TRDN: variants seen among roughly 807,000 people sequenced by gnomAD.
TRDN encodes the protein triadin in skeletal muscle.
Under a neutral mutation model 149.7 loss-of-function variants are expected in TRDN, and 161 were observed. The ratio of observed to expected loss-of-function variants is 1.08; its 90% CI spans 0.95 to 1.23. TRDN has a LOEUF of 1.23. Among genes scored for constraint, TRDN ranks in the 50% most tolerant of loss-of-function variants. The pLI is 0.00. For synonymous variants in TRDN, 294 were observed against 250.5 expected (o/e 1.17, Z -1.64); for missense variants, 896 against 823.5 (o/e 1.09, Z -1.08).
chr6:123,352,457 G>A (rs1226774918), intron 21 of TRDN, 82 bp downstream of exon 21: 31 of 1,571,722 alleles, frequency 2.0e-5, no homozygotes, highest in Middle Eastern at 1.7e-4. Context: ...ATTGTCTTCC[G>A]CCTGTCTGAA....
At chr6:123,627,567 C>A (rs1286410646) in intron 1 of TRDN, among the ~76,000 whole-genome samples, 1 of 152,116 alleles carries the variant, frequency 6.6e-6, no homozygotes, top group Non-Finnish European at 1.5e-5. Flanking sequence ...TAATGGTAAA[C>A]CAGCATTGGC....
chr6:123,228,449 A>G (rs933612961), intron 38 of TRDN, among the ~76,000 whole-genome samples: 4 of 151,978 alleles, frequency 2.6e-5, no homozygotes, highest in Non-Finnish European at 4.4e-5. Flanking sequence ...ACATCACGGC[A>G]GAAACAGAAG....
At chr6:123,481,844 C>T (rs574374089) in intron 9 of TRDN, among the ~76,000 whole-genome samples, 11 of 152,252 alleles carry the variant, frequency 7.2e-5, no homozygotes, top group Non-Finnish European at 8.8e-5. Flanking sequence ...AATTTCCTTT[C>T]TCATTATCCT....
intron 24 of TRDN, among the ~76,000 whole-genome samples, chr6:123,298,961 G>A (rs1364789873): frequency 1.3e-5 from 2 of 152,012 alleles, no homozygotes; most frequent in African/African-American, 2.4e-5. Flanking sequence ...CCTAACAAAC[G>A]GAGAAAATTA....
intron 12 of TRDN, among the ~76,000 whole-genome samples, chr6:123,428,041 C>T (rs970483459): frequency 6.6e-6 from 1 of 152,134 alleles, no homozygotes; most frequent in Non-Finnish European, 1.5e-5. Context: ...CCTAGATTTT[C>T]ACCATCTAGA....
chr6:123,326,626 T>C (rs9401657), intron 23 of TRDN, among the ~76,000 whole-genome samples: 27,414 of 151,790 alleles, frequency 0.18, 3,492 homozygotes, highest in East Asian at 0.63. Context: ...GTAGTTTAGA[T>C]AGATTTCAGC....
chr6:123,632,022 A>G (rs1203294302), intron 1 of TRDN, among the ~76,000 whole-genome samples: 1 of 152,068 alleles, frequency 6.6e-6, no homozygotes, highest in Non-Finnish European at 1.5e-5. Flanking sequence ...GAGTATATTA[A>G]ATTTTCACTT....
Position 123,303,178 on chromosome 6 carries a change from C to T in TRDN, c.1510+13279G>A, listed in dbSNP as rs571488695. On this transcript the variant is annotated intron_variant, in intron 24 of 40. Transcript: ENST00000334268. ...CTCCATATCAATTGTCCCAGAGCTC[C>T]TTCCTCTACATCTTTCTGTCTTCAT... Among the ~76,000 whole-genome samples the T allele has an allele frequency of 2.6e-5, 4 of 152,196 alleles. No individual in the cohort carries two copies. The East Asian group carries it at 5.8e-4, about 22-fold the overall frequency.
chr6:123,349,104 A>G (rs1356189858), intron 21 of TRDN, among the ~76,000 whole-genome samples: 1 of 152,256 alleles, frequency 6.6e-6, no homozygotes, highest in East Asian at 1.9e-4. Flanking sequence ...GTGTTAGTGG[A>G]AAGAAAGAGT....
At chr6:123,616,904 A>G (rs1785117247) in intron 1 of TRDN, among the ~76,000 whole-genome samples, 1 of 152,200 alleles carries the variant, frequency 6.6e-6, no homozygotes, top group Non-Finnish European at 1.5e-5. Flanking sequence ...TTGTTTCAGA[A>G]GTTTAAAATC....
chr6:123,290,911 C>T (rs1219727894), intron 24 of TRDN, among the ~76,000 whole-genome samples: 6 of 152,112 alleles, frequency 3.9e-5, no homozygotes, highest in Non-Finnish European at 8.8e-5. Context: ...AATCTCAGCA[C>T]TTTGGTAGGC....
At chr6:123,422,828 C>G (rs992765602) in intron 12 of TRDN, among the ~76,000 whole-genome samples, 1 of 152,102 alleles carries the variant, frequency 6.6e-6, no homozygotes, top group African/African-American at 2.4e-5. Flanking sequence ...CTCTACTTAT[C>G]CTCAATGACA....
intron 9 of TRDN, among the ~76,000 whole-genome samples, chr6:123,473,969 A>G (rs1777327762): frequency 6.6e-6 from 1 of 152,174 alleles, no homozygotes; most frequent in South Asian, 2.1e-4. Flanking sequence ...AGGAACAACC[A>G]GTACCAGCCA....
intron 9 of TRDN, among the ~76,000 whole-genome samples, chr6:123,494,818 C>G (rs942689868): frequency 2.0e-5 from 3 of 152,118 alleles, no homozygotes; most frequent in East Asian, 3.9e-4. Context: ...ACTGCAAATT[C>G]TCTCTCCCAG....
intron 1 of TRDN, among the ~76,000 whole-genome samples, chr6:123,584,274 T>C (rs191819636): frequency 1.1e-4 from 16 of 152,188 alleles, no homozygotes; most frequent in African/African-American, 3.1e-4. Flanking sequence ...GCGTCAGATA[T>C]GAGGAAGAAA....
chr6:123,229,756 G>T (rs1463904175), intron 38 of TRDN, among the ~76,000 whole-genome samples: 1 of 151,820 alleles, frequency 6.6e-6, no homozygotes, highest in Non-Finnish European at 1.5e-5. Flanking sequence ...AATTACAATT[G>T]GCTGATAAAA....
chr6:123,336,087 A>T (rs973395187), intron 22 of TRDN, among the ~76,000 whole-genome samples: 1 of 151,982 alleles, frequency 6.6e-6, no homozygotes, highest in African/African-American at 2.4e-5. Context: ...ACTATTTTTC[A>T]TAGTGTATGT....
At chr6:123,374,499 A>C (rs1781433983) in intron 19 of TRDN, among the ~76,000 whole-genome samples, 1 of 152,174 alleles carries the variant, frequency 6.6e-6, no homozygotes, top group Non-Finnish European at 1.5e-5. Context: ...TGGAAATATA[A>C]ATGGAATTTT....
At chr6:123,472,955 A>G (rs939396109) in intron 9 of TRDN, among the ~76,000 whole-genome samples, 1 of 152,206 alleles carries the variant, frequency 6.6e-6, no homozygotes, top group Non-Finnish European at 1.5e-5. Context: ...CATCACCATC[A>G]TCAAAGACCA....
Sources: allele counts gnomAD v4.1 joint callset (sites outside exome capture counted in the v4.1 genomes callset), GRCh38; gene constraint gnomAD v4.1.1; transcripts MANE v1.5; gene names NCBI Gene and HGNC (gene_info 2026-07-23, HGNC 2026-07-21).